APELA: variants seen among roughly 807,000 people sequenced by gnomAD.
APELA encodes the protein protein Elabela.
chr4:164,881,610 G>T (rs184769014), intron 2 of APELA, among the ~76,000 whole-genome samples: 7 of 152,094 alleles, frequency 4.6e-5, no homozygotes, highest in Non-Finnish European at 8.8e-5. Context: ...AAGGGAAGGG[G>T]TGTCAGGAAA....
intron 2 of APELA, among the ~76,000 whole-genome samples, chr4:164,883,494 T>C (rs1730700782): frequency 6.7e-6 from 1 of 148,878 alleles, no homozygotes; most frequent in Non-Finnish European, 1.5e-5. Context: ...CTTTTTCTTT[T>C]TTTTTTTTTT....
At chr4:164,893,184 G>A (rs1730913054) in intron 2 of APELA, among the ~76,000 whole-genome samples, 1 of 152,102 alleles carries the variant, frequency 6.6e-6, no homozygotes, top group African/African-American at 2.4e-5. Context: ...GGTCTTAAGT[G>A]AAATGTTAGG....
At chr4:164,884,882 C>T (rs1179727891) in intron 2 of APELA, among the ~76,000 whole-genome samples, 2 of 152,026 alleles carry the variant, frequency 1.3e-5, no homozygotes, top group African/African-American at 4.8e-5. Context: ...ATCATTCATC[C>T]TTTAGGAAAC....
At chr4:164,893,970 A>G (rs1331111286) in intron 2 of APELA, among the ~76,000 whole-genome samples, 1 of 152,018 alleles carries the variant, frequency 6.6e-6, no homozygotes, top group Admixed American at 6.6e-5. Context: ...ACCGAAAAAA[A>G]AAATAATAAA....
intron 2 of APELA, among the ~76,000 whole-genome samples, chr4:164,889,537 A>T (rs1252059296): frequency 6.6e-6 from 1 of 152,192 alleles, no homozygotes; most frequent in Non-Finnish European, 1.5e-5. Context: ...ATTTGTACAT[A>T]TGAAAACAGT....
intron 2 of APELA, 73 bp downstream of exon 2, chr4:164,879,082 TCA>T: frequency 2.5e-6 from 1 of 398,402 alleles, no homozygotes; most frequent in Admixed American, 4.4e-5. Flanking sequence ...AAATGTTTCT[TCA>T]CAGTTTGTAA....
intron 2 of APELA, among the ~76,000 whole-genome samples, chr4:164,879,891 A>C (rs1180759403): frequency 6.6e-6 from 1 of 152,214 alleles, no homozygotes; most frequent in Non-Finnish European, 1.5e-5. Context: ...CATCTTAAGG[A>C]TAAATTCTGG....
chr4:164,889,685 T>C (rs1270297463), intron 2 of APELA, among the ~76,000 whole-genome samples: 1 of 152,208 alleles, frequency 6.6e-6, no homozygotes, highest in African/African-American at 2.4e-5. Context: ...AGACGGTCAC[T>C]TTGAATGACA....
At chr4:164,886,119 T>C (rs892138834) in intron 2 of APELA, among the ~76,000 whole-genome samples, 13 of 132,428 alleles carry the variant, frequency 9.8e-5, no homozygotes, top group African/African-American at 3.2e-4. Flanking sequence ...TATTGAAATA[T>C]GAGCTCCTTG....
chr4:164,888,227 C>T (rs530899586), intron 2 of APELA, among the ~76,000 whole-genome samples: 6 of 152,238 alleles, frequency 3.9e-5, no homozygotes, highest in Middle Eastern at 3.4e-3. Flanking sequence ...TGAATCAAGC[C>T]AGGGCTATTT....
chr4:164,884,609 A>G (rs941677622), intron 2 of APELA, among the ~76,000 whole-genome samples: 2 of 152,102 alleles, frequency 1.3e-5, no homozygotes, highest in Non-Finnish European at 2.9e-5. Context: ...GACCTACTAG[A>G]TTCAAGCTCT....
At chr4:164,889,030 T>C (rs1730831479) in intron 2 of APELA, among the ~76,000 whole-genome samples, 1 of 151,930 alleles carries the variant, frequency 6.6e-6, no homozygotes, top group South Asian at 2.1e-4. Context: ...TGAGACAGAG[T>C]TTTGCTCTTG....
rs532892349 is a variant in APELA at position 164,895,680 on chromosome 4, T to C, written c.*266T>C. 2.0e-5 allele frequency: 3 copies of C among 152,320 alleles called. No homozygotes were observed. Among genetic ancestry groups the C allele is most frequent in the South Asian group, 2.1e-4 (1 of 4,832 alleles). 9.4% of individuals were successfully genotyped at this position (152,320 alleles called of 1,614,324 possible). ...AAATCGTTTGCCTACATAACAAAAA[T>C]ATCTCATCTTTTCCTGCACATTATT... On this transcript the variant is annotated 3_prime_UTR_variant, in exon 3 of 3. Coordinates refer to ENST00000507152, the MANE Select transcript of APELA (RefSeq NM_001297550.2).
chr4:164,894,558 C>G (rs1220986443), intron 2 of APELA, among the ~76,000 whole-genome samples: 3 of 151,972 alleles, frequency 2.0e-5, no homozygotes, highest in Non-Finnish European at 4.4e-5. Context: ...GCATGCACCA[C>G]CATGCCCAGC....
intron 2 of APELA, among the ~76,000 whole-genome samples, chr4:164,884,001 A>C (rs1730711956): frequency 1.3e-5 from 2 of 151,454 alleles, no homozygotes; most frequent in South Asian, 4.2e-4. Context: ...GAGAGAAAGA[A>C]GACAGAAAGA....
chr4:164,888,905 CT>C, intron 2 of APELA, among the ~76,000 whole-genome samples: 1 of 152,256 alleles, frequency 6.6e-6, no homozygotes, highest in African/African-American at 2.4e-5. Context: ...CCTAGACGTG[CT>C]TTTTTCCTAC....
At chr4:164,894,413 AT>A (rs574887779) in intron 2 of APELA, among the ~76,000 whole-genome samples, 1 of 128,814 alleles carries the variant, frequency 7.8e-6, no homozygotes, top group Admixed American at 7.4e-5. Context: ...TTTCTTCTTT[AT>A]TTTTTTATTT....
In APELA at chr4:164,890,959, C is replaced by G. The variant is rs192283972; in HGVS notation, c.*2-4457C>G. Among the ~76,000 whole-genome samples, 278 of 152,272 alleles carry G rather than the reference C, an allele frequency of 1.8e-3. 3 individuals carry two copies. The highest frequency in any genetic ancestry group is 6.0e-3 in the East Asian group (31 of 5,184). On this transcript the variant is annotated intron_variant, in intron 2 of 2. Transcript: ENST00000507152. ...GACAACTTATTGTGGTTTTGATTTG[C>G]ATTTCCATAATGACTAAAATGTTGA...
At chr4:164,895,210 A>G (rs1291725512) in intron 2 of APELA, among the ~76,000 whole-genome samples, 1 of 152,230 alleles carries the variant, frequency 6.6e-6, no homozygotes, top group Non-Finnish European at 1.5e-5. Context: ...AGTAAATAAA[A>G]TAAAAGTTTA....
Sources: gnomAD v4.1 joint callset for allele counts (sites outside exome capture counted in the v4.1 genomes callset) on GRCh38, gnomAD v4.1.1 for gene constraint, MANE v1.5 for transcripts, NCBI Gene and HGNC (gene_info 2026-07-23, HGNC 2026-07-21) for gene names.